NDC1: variants seen among roughly 807,000 people sequenced by gnomAD.
NDC1 encodes the protein nucleoporin NDC1.
In NDC1, 24 loss-of-function variants were observed where a neutral mutation model predicts 89.8. The ratio of observed to expected loss-of-function variants is 0.27; its 90% CI spans 0.19 to 0.38. NDC1 has a LOEUF of 0.38. NDC1 is among the 10% of genes least tolerant of loss of function. NDC1 has a pLI of 1.00. For missense variants in NDC1, 728 were observed against 797.6 expected (o/e 0.91, Z 1.05); for synonymous variants, 296 against 284.8 (o/e 1.04, Z -0.39).
In NDC1 at chr1:53,767,894, T is replaced by C; in HGVS notation, c.*76A>G. ...ATCTAATTAGTCCGTTTTCTTCTGA[T>C]CCAAGAATGCTGAACATTTACTGTC... On this transcript the variant is annotated 3_prime_UTR_variant, in exon 18 of 18. Transcript: ENST00000371429. 1 of 921,566 alleles carries C rather than the reference T, an allele frequency of 1.1e-6. No individual in the cohort carries two copies. Among genetic ancestry groups the C allele is most frequent in the Non-Finnish European group, 1.7e-6 (1 of 604,382 alleles). 57.1% of individuals were successfully genotyped at this position (921,566 alleles called of 1,614,324 possible).
intron 16 of NDC1, among the ~76,000 whole-genome samples, chr1:53,776,246 C>T (rs932886683): frequency 6.6e-5 from 10 of 152,028 alleles, no homozygotes; most frequent in East Asian, 1.9e-4. Context: ...TGTGAGCTAC[C>T]GCGCCCGGTC....
intron 8 of NDC1, 125 bp from the exon 9 acceptor site, chr1:53,806,642 G>T: frequency 2.0e-6 from 1 of 489,712 alleles, no homozygotes; most frequent in Non-Finnish European, 3.3e-6. Context: ...TCCTTGCAAA[G>T]ACAGGTTAAA....
chr1:53,776,081 CG>C (rs1647160589), intron 16 of NDC1, among the ~76,000 whole-genome samples: 2 of 151,598 alleles, frequency 1.3e-5, no homozygotes, highest in African/African-American at 4.9e-5. Context: ...CAGCCTCCCT[CG>C]TAGCTAGGAT....
intron 16 of NDC1, among the ~76,000 whole-genome samples, chr1:53,777,890 G>T (rs559592975): frequency 1.4e-4 from 21 of 152,166 alleles, no homozygotes; most frequent in African/African-American, 3.6e-4. Flanking sequence ...TTTTGTTGTT[G>T]CTGTTGTTGG....
chr1:53,824,234 G>GAAAA, intron 5 of NDC1, among the ~76,000 whole-genome samples: 1 of 83,996 alleles, frequency 1.2e-5, no homozygotes, highest in African/African-American at 4.6e-5. Flanking sequence ...AACCTTTCTC[G>GAAAA]AAAAAAAAAA....
At chr1:53,790,365 CA>C (rs1167559075) in intron 14 of NDC1, among the ~76,000 whole-genome samples, 75 of 105,500 alleles carry the variant, frequency 7.1e-4, no homozygotes, top group Middle Eastern at 6.6e-3. Context: ...AACTCTGTCT[CA>C]AAAAAAAAAA....
chr1:53,823,708 T>C (rs1281450901), intron 5 of NDC1, among the ~76,000 whole-genome samples: 1 of 152,232 alleles, frequency 6.6e-6, no homozygotes, highest in Non-Finnish European at 1.5e-5. Flanking sequence ...TATAAGATTT[T>C]GGAGTTTTTC....
In NDC1 at chr1:53,765,833, C is replaced by G. The variant is rs533178753; in HGVS notation, c.*2137G>C. The G allele has an allele frequency of 6.6e-6, 1 of 152,302 alleles. No homozygotes were observed. Among genetic ancestry groups the G allele is most frequent in the East Asian group, 1.9e-4 (1 of 5,186 alleles). The allele number at this position is 152,302 out of a possible 1,614,324, so 9.4% of individuals were successfully genotyped here. ...GTTACAGCATTAGTGGGCTCATAGA[C>G]AGGATGTGACTTCATCAAAGGAAAT... On this transcript the variant is annotated 3_prime_UTR_variant, in exon 18 of 18. Coordinates refer to ENST00000371429, the MANE Select transcript of NDC1 (RefSeq NM_018087.5).
chr1:53,774,354 T>C (rs181785161), intron 16 of NDC1, among the ~76,000 whole-genome samples: 231 of 152,342 alleles, frequency 1.5e-3, no homozygotes, highest in African/African-American at 5.3e-3. Flanking sequence ...AAATAAATGA[T>C]TGGACTCAGA....
intron 6 of NDC1, among the ~76,000 whole-genome samples, chr1:53,814,680 G>A (rs1648420546): frequency 6.6e-6 from 1 of 152,084 alleles, no homozygotes; most frequent in South Asian, 2.1e-4. Context: ...TCTTTGAAAA[G>A]ATAAGTAAAA....
intron 7 of NDC1, among the ~76,000 whole-genome samples, 165 bp from the exon 8 acceptor site, chr1:53,807,956 T>G (rs1648170633): frequency 1.3e-5 from 2 of 152,196 alleles, no homozygotes. Context: ...TACTTTCTTA[T>G]GAGGTACATG....
intron 6 of NDC1, among the ~76,000 whole-genome samples, chr1:53,813,359 C>A (rs1429421930): frequency 6.6e-6 from 1 of 152,144 alleles, no homozygotes; most frequent in Non-Finnish European, 1.5e-5. Flanking sequence ...AACTCACCAA[C>A]TAACCATCTG....
chr1:53,831,805 C>T (rs1325100373), intron 3 of NDC1, among the ~76,000 whole-genome samples: 1 of 151,346 alleles, frequency 6.6e-6, no homozygotes, highest in Non-Finnish European at 1.5e-5. Flanking sequence ...TCTGAAAAGG[C>T]AGAAAGAATA....
In NDC1 at chr1:53,816,319, G is replaced by C. The variant is rs1181151; in HGVS notation, c.703+2652C>G. On this transcript the variant is annotated intron_variant, in intron 6 of 17. Coordinates refer to ENST00000371429, the MANE Select transcript of NDC1 (RefSeq NM_018087.5). The stretch of plus-strand genomic sequence containing the variant: ...AAATACTTTCAGCCAACTGATCTTC[G>C]ACAAAGCAAACAAAAACATAAAGTG... Among the ~76,000 whole-genome samples, 1,118 of 152,168 alleles carry C rather than the reference G, an allele frequency of 7.3e-3. 16 individuals carry two copies. Among genetic ancestry groups the C allele is most frequent in the African/African-American group, 0.025 (1,043 of 41,522 alleles).
chr1:53,825,468 TAC>T (rs1648823627), intron 5 of NDC1, among the ~76,000 whole-genome samples: 1 of 109,188 alleles, frequency 9.2e-6, no homozygotes. Flanking sequence ...AAAAAGAAGC[TAC>T]ACAGAGTACT....
chr1:53,782,991 C>T lies in NDC1; in HGVS notation c.1800+4167G>A, dbSNP rs114402938. ...CTGATTTTTTTTCTAATCCTAAGCA[C>T]TTTATGCATTTAAGAACATGATTCT... On this transcript the variant is annotated intron_variant, in intron 16 of 17. Transcript: ENST00000371429. 2.0e-3 allele frequency among the ~76,000 whole-genome samples: 309 copies of T among 152,200 alleles called. 1 individual carries two copies. The highest frequency in any genetic ancestry group is 7.2e-3 in the African/African-American group (300 of 41,524).
At chr1:53,776,145 C>CG (rs1490293534) in intron 16 of NDC1, among the ~76,000 whole-genome samples, 3 of 151,828 alleles carry the variant, frequency 2.0e-5, no homozygotes, top group Middle Eastern at 3.4e-3. Context: ...TTAGTAGAGA[C>CG]GGGGTCTCAC....
At chr1:53,838,108 G>A (rs1322030486) in intron 1 of NDC1, 97 bp downstream of exon 1, 5 of 1,148,072 alleles carry the variant, frequency 4.4e-6, no homozygotes, top group Non-Finnish European at 4.9e-6. Flanking sequence ...ACGCTGCCCC[G>A]GGACCGGCCC....
chr1:53,794,217 G>A (rs1647619897), intron 13 of NDC1, among the ~76,000 whole-genome samples: 1 of 152,072 alleles, frequency 6.6e-6, no homozygotes, highest in Non-Finnish European at 1.5e-5. Flanking sequence ...CTCAAGCAAT[G>A]TTCCCACTGT....
Sources: gnomAD v4.1 joint callset for allele counts (sites outside exome capture counted in the v4.1 genomes callset) on GRCh38, gnomAD v4.1.1 for gene constraint, MANE v1.5 for transcripts, NCBI Gene and HGNC (gene_info 2026-07-23, HGNC 2026-07-21) for gene names.